BICRAL: variants seen among roughly 807,000 people sequenced by gnomAD.
The protein encoded by BICRAL is BRD4-interacting chromatin-remodeling complex-associated protein-like.
A neutral mutation model predicts 91.8 loss-of-function variants in BICRAL; 8 were observed. That is an observed-to-expected ratio of 0.09 (90% confidence interval 0.05 to 0.16). The LOEUF (loss-of-function observed/expected upper bound fraction) is 0.16. Ranked by LOEUF, BICRAL falls within the 10% of genes least tolerant of loss-of-function variation. The pLI is 1.00. For missense variants in BICRAL, 1,038 were observed against 1,310.9 expected (o/e 0.79, Z 3.21); for synonymous variants, 445 against 491.1 (o/e 0.91, Z 1.24).
At chr6:42,817,420 C>T (rs368899208) in intron 2 of BICRAL, among the ~76,000 whole-genome samples, 11 of 151,700 alleles carry the variant, frequency 7.3e-5, no homozygotes, top group Admixed American at 1.3e-4. Flanking sequence ...ATATAATTTA[C>T]ATACCATAAA....
chr6:42,805,697 T>C (rs1763685257), intron 1 of BICRAL, among the ~76,000 whole-genome samples: 1 of 151,994 alleles, frequency 6.6e-6, no homozygotes, highest in Non-Finnish European at 1.5e-5. Flanking sequence ...TATGAGTCAG[T>C]GTGCTAAAGA....
chr6:42,848,230 C>T (rs987311367), intron 6 of BICRAL, among the ~76,000 whole-genome samples: 5 of 150,680 alleles, frequency 3.3e-5, no homozygotes, highest in East Asian at 2.0e-4. Context: ...CCAGCCTGGG[C>T]GACAGAGTGA....
intron 1 of BICRAL, among the ~76,000 whole-genome samples, chr6:42,805,439 G>A (rs1032455479): frequency 6.6e-6 from 1 of 152,158 alleles, no homozygotes; most frequent in East Asian, 1.9e-4. Context: ...GGTCTCCAAA[G>A]TAAGAAAAAT....
intron 1 of BICRAL, among the ~76,000 whole-genome samples, chr6:42,784,913 A>G (rs891075419): frequency 6.6e-6 from 1 of 152,070 alleles, no homozygotes; most frequent in Non-Finnish European, 1.5e-5. Context: ...TAGTATTCCA[A>G]AGCTCTCCAG....
At chr6:42,787,426 A>G (rs1430937966) in intron 1 of BICRAL, among the ~76,000 whole-genome samples, 1 of 152,108 alleles carries the variant, frequency 6.6e-6, no homozygotes, top group East Asian at 1.9e-4. Context: ...TCACTAGTAT[A>G]CAGATGGCAT....
intron 6 of BICRAL, among the ~76,000 whole-genome samples, chr6:42,832,734 CACACACACACAAACAT>C (rs1250921891): frequency 6.6e-6 from 1 of 151,700 alleles, no homozygotes; most frequent in African/African-American, 2.4e-5. Context: ...CATATACAAA[CACACACACACAAACAT>C]ACACACACAC....
intron 1 of BICRAL, among the ~76,000 whole-genome samples, chr6:42,766,419 A>ACAAT (rs1762633355): frequency 6.6e-6 from 1 of 152,132 alleles, no homozygotes; most frequent in Non-Finnish European, 1.5e-5. Flanking sequence ...CTGTGGATTG[A>ACAAT]CCCACATGCC....
upstream of BICRAL, among the ~76,000 whole-genome samples, chr6:42,746,586 G>A (rs1762278252): frequency 6.6e-6 from 1 of 152,094 alleles, no homozygotes; most frequent in Non-Finnish European, 1.5e-5. Flanking sequence ...CGCCTGGCCC[G>A]CGCCGGAGGA....
chr6:42,811,276 CAGGAAGG>C (rs1265306365), intron 2 of BICRAL, among the ~76,000 whole-genome samples: 8 of 152,210 alleles, frequency 5.3e-5, no homozygotes, highest in Non-Finnish European at 1.0e-4. Context: ...GAGGAATCCA[CAGGAAGG>C]CTGATAATCT....
intron 1 of BICRAL, among the ~76,000 whole-genome samples, chr6:42,752,861 C>T (rs1354722557): frequency 1.3e-5 from 2 of 151,662 alleles, no homozygotes; most frequent in African/African-American, 2.4e-5. Flanking sequence ...CCTCTGCTTC[C>T]CAAAGGGCTG....
chr6:42,783,218 A>C (rs1762982830), intron 1 of BICRAL, among the ~76,000 whole-genome samples: 1 of 151,454 alleles, frequency 6.6e-6, no homozygotes, highest in Non-Finnish European at 1.5e-5. Flanking sequence ...TGCCTTTTCG[A>C]AGCACCGCCG....
At chr6:42,845,195 G>GTTTTTTT (rs748804344) in intron 6 of BICRAL, among the ~76,000 whole-genome samples, 1 of 25,604 alleles carries the variant, frequency 3.9e-5, no homozygotes, top group Non-Finnish European at 8.5e-5. Flanking sequence ...TTTTTTGGGT[G>GTTTTTTT]TTTTTTTTTT....
At chr6:42,798,542 C>T (rs1763477773) in intron 1 of BICRAL, among the ~76,000 whole-genome samples, 2 of 152,016 alleles carry the variant, frequency 1.3e-5, no homozygotes, top group African/African-American at 4.8e-5. Flanking sequence ...ACTAAAAGTA[C>T]AAAATTAGCC....
chr6:42,840,687 C>T (rs1420026191), intron 6 of BICRAL, among the ~76,000 whole-genome samples: 1 of 152,046 alleles, frequency 6.6e-6, no homozygotes, highest in African/African-American at 2.4e-5. Context: ...CAGGCGCCTG[C>T]CACCATGCCT....
intron 1 of BICRAL, among the ~76,000 whole-genome samples, chr6:42,787,891 TTTTTTTTTTAA>T (rs1763145220): frequency 1.3e-5 from 2 of 151,644 alleles, no homozygotes; most frequent in Non-Finnish European, 2.9e-5. Flanking sequence ...GAGGGCTTTT[TTTTTTTTTTAA>T]TTTTTTTTTA....
At position 42,828,958 on chromosome 6, in the gene BICRAL, G is replaced by A; in HGVS notation, c.625G>A (p.Gly209Ser). The A allele has an allele frequency of 6.2e-7, 1 of 1,614,158 alleles. No individual in the cohort carries two copies. The highest frequency in any genetic ancestry group is 8.5e-7 in the Non-Finnish European group (1 of 1,180,000). Residue 209 changes from glycine (G) to serine (S), a missense_variant, in exon 6 of 13, where the codon GGT (glycine) becomes AGT (serine). By Grantham distance (56) the Gly-to-Ser change is moderately conservative (BLOSUM62 0). This residue lies in a region of BICRAL where 532 missense variants were observed against 724.9 expected (regional missense o/e 0.73). Transcript: ENST00000314073. ...QHLSNSSQIS[G>S]SGQIQLIGSF... Reference sequence around the variant, plus strand: ...TTTGTCTAATAGCAGTCAGATTAGTGGTTCTGGTCAAATACAGTTAATTGG... The same window carrying A: ...TTTGTCTAATAGCAGTCAGATTAGTAGTTCTGGTCAAATACAGTTAATTGG...
intron 11 of BICRAL, among the ~76,000 whole-genome samples, chr6:42,861,856 G>C (rs975442107): frequency 6.6e-6 from 1 of 151,894 alleles, no homozygotes; most frequent in Non-Finnish European, 1.5e-5. Context: ...AAAATTGTCT[G>C]GGTGTGGTGG....
intron 3 of BICRAL, 133 bp downstream of exon 3, chr6:42,822,196 G>C (rs1180930996): frequency 7.1e-6 from 4 of 563,176 alleles, no homozygotes; most frequent in Non-Finnish European, 1.3e-5. Flanking sequence ...GTTTAGTAGA[G>C]AAACAGAGAC....
intron 2 of BICRAL, among the ~76,000 whole-genome samples, chr6:42,811,327 A>C (rs1435070372): frequency 6.6e-6 from 1 of 152,160 alleles, no homozygotes; most frequent in Non-Finnish European, 1.5e-5. Flanking sequence ...GAGAGGTTAA[A>C]ATGGCCTAAG....
Sources: gnomAD v4.1 joint callset for allele counts (sites outside exome capture counted in the v4.1 genomes callset) on GRCh38, gnomAD v4.1.1 for gene constraint, gnomAD v4.1.1 regional missense constraint, MANE v1.5 for transcripts, NCBI Gene and HGNC (gene_info 2026-07-23, HGNC 2026-07-21) for gene names.